The following CCSER1 variants were observed in gnomAD, a reference collection of about 807,000 sequenced individuals.
CCSER1 encodes serine-rich coiled-coil domain-containing protein 1.
CCSER1 carries 41 observed loss-of-function variants against 82.0 expected under a neutral mutation model. The observed-to-expected ratio is 0.50, with a 90% CI of 0.39 to 0.65. The LOEUF is 0.65. CCSER1 is among the 30% of genes least tolerant of loss of function. CCSER1 has a pLI of 0.00. For synonymous variants in CCSER1, 414 were observed against 383.9 expected, an observed-to-expected ratio of 1.08 and a Z score of -0.92; for missense variants, 1,119 against 1,064.2, an observed-to-expected ratio of 1.05 and a Z score of -0.72.
chr4:90,802,744 G>A (rs1756997334), intron 7 of CCSER1, among the ~76,000 whole-genome samples: 2 of 152,280 alleles, frequency 1.3e-5, no homozygotes, highest in South Asian at 4.1e-4. Context: ...CTACCCAGGT[G>A]TTGCAGACAG....
chr4:90,326,038 A>G (rs891642717), intron 3 of CCSER1, among the ~76,000 whole-genome samples: 1 of 150,520 alleles, frequency 6.6e-6, no homozygotes, highest in Non-Finnish European at 1.5e-5. Context: ...CAATTTCACA[A>G]TCTTCCTATG....
At chr4:90,901,396 G>A (rs1210752501) in intron 8 of CCSER1, among the ~76,000 whole-genome samples, 1 of 151,846 alleles carries the variant, frequency 6.6e-6, no homozygotes, top group Non-Finnish European at 1.5e-5. Context: ...TGTGAATTTT[G>A]TACTTATGGG....
rs144710135 is a variant in CCSER1, at chr4:90,524,685, T to C, written c.1724+56331T>C. ...GGTTTCACCATGTTGGCCAGGATGG[T>C]CTCTATCTGTTGACCTCATGATCCG... is the stretch of plus-strand genomic sequence containing the variant. On this transcript the variant is annotated intron_variant, in intron 5 of 10. Transcript: ENST00000509176. Among the ~76,000 whole-genome samples, 1,043 of 152,184 alleles carry C rather than the reference T, an allele frequency of 6.9e-3. 10 individuals carry two copies. Among genetic ancestry groups the C allele is most frequent in the African/African-American group, 0.023 (965 of 41,518 alleles).
chr4:90,210,546 C>A (rs986081480), intron 1 of CCSER1, among the ~76,000 whole-genome samples: 1 of 151,368 alleles, frequency 6.6e-6, no homozygotes, highest in Non-Finnish European at 1.5e-5. Context: ...GGGGCTCAAG[C>A]GATCCTCCTG....
intron 1 of CCSER1, among the ~76,000 whole-genome samples, chr4:90,273,767 T>C (rs751330082): frequency 2.0e-4 from 31 of 152,126 alleles, no homozygotes; most frequent in Non-Finnish European, 3.7e-4. Flanking sequence ...AGTGATTTCC[T>C]CTTCTGCACC....
intron 10 of CCSER1, among the ~76,000 whole-genome samples, chr4:91,582,660 T>C (rs548678602): frequency 7.3e-4 from 110 of 151,542 alleles, no homozygotes; most frequent in African/African-American, 2.3e-3. Context: ...TAATTGTGGT[T>C]TTTTCATTAC....
At chr4:91,095,131 CT>C (rs1724374279) in intron 10 of CCSER1, among the ~76,000 whole-genome samples, 1 of 152,164 alleles carries the variant, frequency 6.6e-6, no homozygotes, top group East Asian at 1.9e-4. Context: ...TCCTTGCCCC[CT>C]ATTGTCATCC....
intron 10 of CCSER1, among the ~76,000 whole-genome samples, chr4:91,303,440 A>T (rs186059198): frequency 2.6e-5 from 4 of 152,172 alleles, no homozygotes; most frequent in African/African-American, 9.6e-5. Flanking sequence ...TAAATAAATT[A>T]TGAACTTTAG....
chr4:90,296,180 A>G (rs12647157), intron 1 of CCSER1, among the ~76,000 whole-genome samples: 2 of 151,938 alleles, frequency 1.3e-5, no homozygotes, highest in African/African-American at 4.8e-5. Flanking sequence ...TAATATTGTC[A>G]GTTCTTTGCT....
chr4:90,372,466 G>C (rs1747603627), intron 3 of CCSER1, among the ~76,000 whole-genome samples: 2 of 152,074 alleles, frequency 1.3e-5, no homozygotes, highest in South Asian at 4.1e-4. Flanking sequence ...TTAAAAGCTA[G>C]ATTAGGGGGC....
intron 5 of CCSER1, among the ~76,000 whole-genome samples, chr4:90,476,123 T>G (rs1765067232): frequency 6.6e-6 from 1 of 152,118 alleles, no homozygotes; most frequent in South Asian, 2.1e-4. Flanking sequence ...TCACATAACC[T>G]GGATTTATCC....
At position 91,194,488 on chromosome 4, in the gene CCSER1, T is replaced by C. The variant is rs1306762747; in HGVS notation, c.2217+108494T>C. Among the ~76,000 whole-genome samples, 3 of 152,140 alleles carry C rather than the reference T, an allele frequency of 2.0e-5. No individual in the cohort carries two copies. In the East Asian group the frequency reaches 5.8e-4, roughly 29 times the overall value. On this transcript the variant is annotated intron_variant, in intron 10 of 10. Transcript: ENST00000509176. Reference sequence around the variant, plus strand: ...AAGAATTTCAAATCTGAGTTAATAATAACATTCATAAAAGTTTTCATATGA... The same window carrying C: ...AAGAATTTCAAATCTGAGTTAATAACAACATTCATAAAAGTTTTCATATGA...
intron 6 of CCSER1, among the ~76,000 whole-genome samples, chr4:90,685,883 G>T (rs6851780): frequency 0.46 from 69,856 of 151,968 alleles, 16,455 homozygotes; most frequent in Middle Eastern, 0.58. Context: ...TTTGATGAAA[G>T]CTGAGATGGT....
intron 8 of CCSER1, among the ~76,000 whole-genome samples, chr4:90,918,943 C>T (rs1476244285): frequency 6.6e-6 from 1 of 151,558 alleles, no homozygotes; most frequent in African/African-American, 2.4e-5. Context: ...TTGTGTTTAA[C>T]TCTATGTTGA....
At chr4:90,994,742 T>C (rs749005395) in intron 9 of CCSER1, among the ~76,000 whole-genome samples, 1 of 152,206 alleles carries the variant, frequency 6.6e-6, no homozygotes. Context: ...TCCAGCTACA[T>C]GTATTTATTG....
chr4:91,482,915 A>C (rs2110049588), intron 10 of CCSER1, among the ~76,000 whole-genome samples: 1 of 151,900 alleles, frequency 6.6e-6, no homozygotes, highest in Admixed American at 6.6e-5. Context: ...GGACACAGGA[A>C]GGGGAACATC....
intron 10 of CCSER1, among the ~76,000 whole-genome samples, chr4:91,131,936 G>A (rs577545432): frequency 1.3e-5 from 2 of 151,858 alleles, no homozygotes; most frequent in South Asian, 2.1e-4. Context: ...GAAAATCTCT[G>A]AGCTTATACA....
chr4:90,668,975 G>A (rs571196401), intron 6 of CCSER1, among the ~76,000 whole-genome samples: 6 of 152,122 alleles, frequency 3.9e-5, no homozygotes, highest in African/African-American at 1.4e-4. Context: ...AATATAATAA[G>A]GGCCATAAGA....
At chr4:91,324,692 A>T (rs1319420157) in intron 10 of CCSER1, among the ~76,000 whole-genome samples, 2 of 152,160 alleles carry the variant, frequency 1.3e-5, no homozygotes, top group African/African-American at 2.4e-5. Flanking sequence ...ATAAATACAG[A>T]TTTTATTTCA....
Sources: allele counts gnomAD v4.1 joint callset (sites outside exome capture counted in the v4.1 genomes callset), GRCh38; gene constraint gnomAD v4.1.1; transcripts MANE v1.5; gene names NCBI Gene and HGNC (gene_info 2026-07-23, HGNC 2026-07-21).